Variants in ANKS3 observed in about 807,000 individuals in gnomAD.
ANKS3 encodes ankyrin repeat and sterile alpha motif domain containing 3.
Under a neutral mutation model 80.7 loss-of-function variants are expected in ANKS3, and 62 were observed. The observed-to-expected ratio is 0.77, with a 90% CI of 0.63 to 0.95. The LOEUF (loss-of-function observed/expected upper bound fraction) is 0.95. Among genes scored for constraint, ANKS3 ranks in the 40% least tolerant of loss-of-function variants. The pLI is 0.00. For synonymous variants in ANKS3, 489 were observed against 355.3 expected, an observed-to-expected ratio of 1.38 and a Z score of -4.23; for missense variants, 1,150 against 883.6, an observed-to-expected ratio of 1.30 and a Z score of -3.82.
At chr16:4,699,451 G>A (rs2079777997) in intron 11 of ANKS3, 2 of 482,938 alleles carry the variant, frequency 4.1e-6, no homozygotes, top group South Asian at 2.2e-5. Context: ...GTTCTGTGAA[G>A]GGACCATGGA....
intron 15 of ANKS3, 40 bp from the exon 16 acceptor site, chr16:4,697,456 G>T (rs749396468): frequency 1.3e-6 from 2 of 1,491,406 alleles, no homozygotes; most frequent in African/African-American, 2.8e-5. Flanking sequence ...CTGGGGGTCT[G>T]CGTCCCCACA....
chr16:4,724,539 A>G (rs1237172865), intron 6 of ANKS3, among the ~76,000 whole-genome samples: 1 of 152,224 alleles, frequency 6.6e-6, no homozygotes, highest in Non-Finnish European at 1.5e-5. Context: ...CAAAATTATT[A>G]CAGGAATAGG....
chr16:4,698,617 G>A lies in ANKS3; in HGVS notation c.1552-18C>T, dbSNP rs1018880681. ...TCGCAGCGCTGCAGGGGGGTGGGGG[G>A]CGCGGGGAGGCTGGGAGGTGGCCGG... is the stretch of plus-strand genomic sequence containing the variant. On this transcript the variant is annotated intron_variant, in intron 13 of 17. Transcript: ENST00000304283. 5 of 1,540,210 alleles carry A rather than the reference G, an allele frequency of 3.2e-6. No individual in the cohort carries two copies. Among genetic ancestry groups the A allele is most frequent in the Admixed American group, 3.8e-5 (2 of 52,972 alleles).
rs531497300 is a variant in ANKS3, at chr16:4,707,762, C to G, written c.710-2509G>C. ...AAGATAGACTCACAGATATGCTAAA[C>G]TGTATACAGATAATAGAGAATACAA... is the stretch of plus-strand genomic sequence containing the variant. On this transcript the variant is annotated intron_variant, in intron 7 of 17. Coordinates refer to ENST00000304283, the MANE Select transcript of ANKS3 (RefSeq NM_133450.4). 2.0e-5 allele frequency among the ~76,000 whole-genome samples: 3 copies of G among 152,308 alleles called. No homozygotes were observed. The East Asian group carries it at 5.8e-4, about 29-fold the overall frequency.
chr16:4,731,400 C>T (rs970245386), intron 2 of ANKS3, 112 bp downstream of exon 2: 1 of 153,214 alleles, frequency 6.5e-6, no homozygotes, highest in African/African-American at 2.4e-5. Flanking sequence ...GAGCCTCAGC[C>T]ACCTGAATAG....
At chr16:4,703,253 C>T (rs1467846545) in intron 8 of ANKS3, among the ~76,000 whole-genome samples, 2 of 152,166 alleles carry the variant, frequency 1.3e-5, no homozygotes, top group Non-Finnish European at 2.9e-5. Flanking sequence ...ACTGGGGCTA[C>T]AGGCATGGGC....
At chr16:4,700,810 G>T (rs750284264) in intron 11 of ANKS3, 160 bp downstream of exon 11, 1 of 965,936 alleles carries the variant, frequency 1.0e-6, no homozygotes, top group Non-Finnish European at 1.7e-6. Context: ...GCCAGCCATG[G>T]AGCCGGCTGT....
chr16:4,697,983 G>A lies in ANKS3; in HGVS notation c.1804C>T (p.Pro602Ser), dbSNP rs992414147. 1.3e-6 allele frequency: 2 copies of A among 1,593,398 alleles called. No homozygotes were observed. The highest frequency in any genetic ancestry group is 2.3e-5 in the South Asian group (2 of 87,058). The change falls in exon 15 of 18, where the codon CCA (proline) becomes TCA (serine). Residue 602 changes from proline (P) to serine (S), a missense_variant. Pro to Ser is a moderately conservative substitution (Grantham distance 74, BLOSUM62 -1). Coordinates refer to ENST00000304283, the MANE Select transcript of ANKS3 (RefSeq NM_133450.4). ...GTCAGGCCACTGCTCTTACCAGCTG[G>A]GGGGACGGCTAGGCCCAGAGTGGCT... ...GAATLGLAVPPADSKGWQASL... is the reference protein window; with the variant it reads ...GAATLGLAVPSADSKGWQASL...
At chr16:4,723,307 G>A (rs1056252925) in intron 6 of ANKS3, among the ~76,000 whole-genome samples, 3 of 152,150 alleles carry the variant, frequency 2.0e-5, no homozygotes, top group Admixed American at 6.6e-5. Context: ...CAAGACCCAG[G>A]AAACCACTCA....
At chr16:4,709,787 G>T (rs1238718018) in intron 7 of ANKS3, among the ~76,000 whole-genome samples, 4 of 152,174 alleles carry the variant, frequency 2.6e-5, no homozygotes, top group Non-Finnish European at 5.9e-5. Flanking sequence ...AAGGCGAGAG[G>T]ATCACTTGAG....
At chr16:4,720,410 C>G (rs570438953) in intron 6 of ANKS3, among the ~76,000 whole-genome samples, 1 of 148,740 alleles carries the variant, frequency 6.7e-6, no homozygotes, top group East Asian at 2.0e-4. Flanking sequence ...TGCAGTGAGC[C>G]GAGATCGCGC....
Position 4,697,196 on chromosome 16 carries a change from C to A in ANKS3, c.1895-92G>T. 2.6e-6 allele frequency: 4 copies of A among 1,556,170 alleles called. No individual in the cohort carries two copies. In the South Asian group the frequency reaches 4.5e-5, roughly 17 times the overall value. ...GTCTCAGCTGCAGGATGTGACCTGC[C>A]CCTCACCCGTTATGGCCCCAGCCCC... On this transcript the variant is annotated intron_variant, in intron 16 of 17. Coordinates refer to ENST00000304283, the MANE Select transcript of ANKS3 (RefSeq NM_133450.4).
In ANKS3 at chr16:4,722,511, G is replaced by A. The variant is rs1039612704; in HGVS notation, c.573+2239C>T. 9.3e-5 allele frequency among the ~76,000 whole-genome samples: 14 copies of A among 151,146 alleles called. No individual in the cohort carries two copies. The East Asian group carries it at 2.7e-3, about 29-fold the overall frequency. On this transcript the variant is annotated intron_variant, in intron 6 of 17. Transcript: ENST00000304283. ...CAATCTCTTAAACCTGGGAGGTGGA[G>A]GTTGCAGTGAGCTGAGATCATGCCA...
chr16:4,721,953 A>T (rs1462607339), intron 6 of ANKS3, among the ~76,000 whole-genome samples: 1 of 151,248 alleles, frequency 6.6e-6, no homozygotes, highest in African/African-American at 2.4e-5. Context: ...TTTATACACC[A>T]ATATAGAAAA....
At chr16:4,732,385 C>G (rs2081668875) in intron 1 of ANKS3, among the ~76,000 whole-genome samples, 1 of 152,164 alleles carries the variant, frequency 6.6e-6, no homozygotes, top group Non-Finnish European at 1.5e-5. Flanking sequence ...GCCGTGTTCT[C>G]TATTTACTGG....
intron 7 of ANKS3, among the ~76,000 whole-genome samples, chr16:4,711,457 A>G (rs1450058750): frequency 2.6e-5 from 4 of 151,404 alleles, no homozygotes; most frequent in South Asian, 2.1e-4. Flanking sequence ...GGTGGCTCAC[A>G]CCTATAATCC....
intron 7 of ANKS3, among the ~76,000 whole-genome samples, chr16:4,712,980 G>C (rs940810391): frequency 1.1e-4 from 16 of 151,622 alleles, no homozygotes; most frequent in African/African-American, 3.7e-4. Flanking sequence ...TATAAAATTA[G>C]TTTGCAGGGC....
chr16:4,699,003 G>A, intron 12 of ANKS3, 49 bp downstream of exon 12: 1 of 1,614,096 alleles, frequency 6.2e-7, no homozygotes, highest in Non-Finnish European at 8.5e-7. Flanking sequence ...ATGAGTGGGA[G>A]TTTGCCCCAA....
chr16:4,698,309 T>C, intron 14 of ANKS3, 118 bp downstream of exon 14: 1 of 1,373,524 alleles, frequency 7.3e-7, no homozygotes, highest in African/African-American at 1.5e-5. Flanking sequence ...GTGGGGTGGC[T>C]CCAGACCCTG....
Sources: gnomAD v4.1 joint callset for allele counts (sites outside exome capture counted in the v4.1 genomes callset) on GRCh38, gnomAD v4.1.1 for gene constraint, MANE v1.5 for transcripts, NCBI Gene and HGNC (gene_info 2026-07-23, HGNC 2026-07-21) for gene names.